Variants in NT5DC3 observed in about 807,000 individuals in gnomAD.
NT5DC3 encodes the protein 5'-nucleotidase domain containing 3.
NT5DC3 carries 42 observed loss-of-function variants against 67.8 expected under a neutral mutation model. The ratio of observed to expected loss-of-function variants is 0.62; its 90% confidence interval spans 0.48 to 0.80. NT5DC3 has a LOEUF of 0.80. Among genes scored for constraint, NT5DC3 ranks in the 30% least tolerant of loss-of-function variants. NT5DC3 has a pLI of 0.00. For missense variants in NT5DC3, 570 were observed against 696.4 expected (o/e 0.82, Z 2.04); for synonymous variants, 237 against 255.6 (o/e 0.93, Z 0.69).
intron 2 of NT5DC3, among the ~76,000 whole-genome samples, chr12:103,807,688 T>C (rs376404940): frequency 6.6e-6 from 1 of 152,242 alleles, no homozygotes; most frequent in Admixed American, 6.5e-5. Context: ...TTTGGCTCTA[T>C]GTCCCCAGCC....
chr12:103,831,526 C>G (rs1049764506), intron 1 of NT5DC3, among the ~76,000 whole-genome samples: 1 of 151,820 alleles, frequency 6.6e-6, no homozygotes, highest in African/African-American at 2.4e-5. Context: ...CCAAAACCTG[C>G]CCCCCCACAC....
At chr12:103,759,585 A>G in the NT5DC3 span, among the ~76,000 whole-genome samples, 2 of 152,204 alleles carry the variant, frequency 1.3e-5, no homozygotes, top group Non-Finnish European at 2.9e-5. Context: ...CTCCAAAGTC[A>G]AATGACCCCA....
chr12:103,818,658 G>A (rs1304134817), intron 1 of NT5DC3, among the ~76,000 whole-genome samples: 1 of 152,162 alleles, frequency 6.6e-6, no homozygotes, highest in African/African-American at 2.4e-5. Flanking sequence ...TTACCAGCGT[G>A]AGCCACTGCA....
chr12:103,758,985 TA>T, the NT5DC3 span: 1 of 1,361,214 alleles, frequency 7.3e-7, no homozygotes, highest in Non-Finnish European at 1.0e-6. Context: ...ACCAGAAGCC[TA>T]AGAAAACCTT....
intron 1 of NT5DC3, among the ~76,000 whole-genome samples, chr12:103,821,417 A>G (rs1274775597): frequency 3.3e-5 from 5 of 152,216 alleles, no homozygotes; most frequent in Non-Finnish European, 1.5e-5. Context: ...CATGTAACCC[A>G]GGCCTGGCCT....
the NT5DC3 span, among the ~76,000 whole-genome samples, chr12:103,764,757 ATAT>A: frequency 2.9e-3 from 439 of 152,336 alleles, 3 homozygotes; most frequent in African/African-American, 1.0e-2. Flanking sequence ...ATTGCAAATC[ATAT>A]TTTTTTAATC....
intron 1 of NT5DC3, among the ~76,000 whole-genome samples, chr12:103,815,474 T>C (rs1887211863): frequency 6.6e-6 from 1 of 152,144 alleles, no homozygotes; most frequent in South Asian, 2.1e-4. Flanking sequence ...CAGACTGGAG[T>C]GCAGTGGCAC....
At chr12:103,749,101 C>T in the NT5DC3 span, 7 of 1,613,734 alleles carry the variant, frequency 4.3e-6, no homozygotes, top group Non-Finnish European at 2.5e-6. Flanking sequence ...GACCCCTGTG[C>T]AGACGGCCTT....
chr12:103,793,696 G>A (rs1262413266), intron 7 of NT5DC3, among the ~76,000 whole-genome samples, 184 bp from the exon 8 acceptor site: 1 of 152,186 alleles, frequency 6.6e-6, no homozygotes, highest in Non-Finnish European at 1.5e-5. Flanking sequence ...CAAAGACCCT[G>A]CCTCCTCGGT....
intron 1 of NT5DC3, among the ~76,000 whole-genome samples, chr12:103,823,525 T>G (rs55736751): frequency 0.1 from 15,414 of 152,220 alleles, 1,114 homozygotes; most frequent in East Asian, 0.29. Flanking sequence ...GTTTTCTGGG[T>G]GTTTTTTAAT....
At chr12:103,788,177 A>T (rs941411609) in intron 10 of NT5DC3, among the ~76,000 whole-genome samples, 1 of 152,232 alleles carries the variant, frequency 6.6e-6, no homozygotes, top group Non-Finnish European at 1.5e-5. Context: ...TGTGATGGTT[A>T]TGCCTGTAAT....
At chr12:103,788,963 G>T in intron 9 of NT5DC3, 44 bp from the exon 10 acceptor site, 1 of 1,248,868 alleles carries the variant, frequency 8.0e-7, no homozygotes, top group Non-Finnish European at 1.2e-6. Flanking sequence ...AGTAGTACAG[G>T]CTGTCTGCTC....
At chr12:103,759,154 G>C in the NT5DC3 span, 2 of 1,614,072 alleles carry the variant, frequency 1.2e-6, no homozygotes, top group Non-Finnish European at 1.7e-6. Context: ...GCGGGACATC[G>C]AGCACCACCT....
intron 2 of NT5DC3, among the ~76,000 whole-genome samples, chr12:103,809,552 G>A (rs1593416630): frequency 6.6e-6 from 1 of 152,214 alleles, no homozygotes; most frequent in East Asian, 1.9e-4. Flanking sequence ...ACATGGCTGG[G>A]GAGACCTCAC....
chr12:103,840,264 T>G (rs1009681533), intron 1 of NT5DC3, among the ~76,000 whole-genome samples: 3 of 152,154 alleles, frequency 2.0e-5, no homozygotes, highest in Non-Finnish European at 4.4e-5. Context: ...TCATTTTATG[T>G]GCACCTGGCC....
At chr12:103,750,400 G>A in the NT5DC3 span, among the ~76,000 whole-genome samples, 6 of 152,306 alleles carry the variant, frequency 3.9e-5, no homozygotes, top group African/African-American at 1.4e-4. Context: ...AAAGGATGAG[G>A]TTTCATCATA....
chr12:103,795,831 TTG>T (rs1337746324), intron 6 of NT5DC3, among the ~76,000 whole-genome samples: 1 of 152,198 alleles, frequency 6.6e-6, no homozygotes, highest in Non-Finnish European at 1.5e-5. Context: ...TACAAATGAT[TTG>T]TACAGTAAGT....
the NT5DC3 span, chr12:103,755,742 T>A: frequency 1.2e-6 from 2 of 1,612,514 alleles, no homozygotes; most frequent in Non-Finnish European, 1.7e-6. Flanking sequence ...CTGCTTGGTT[T>A]GCCTCAGGCA....
At chr12:103,786,042 T>C (rs1281829444) in intron 11 of NT5DC3, among the ~76,000 whole-genome samples, 1 of 152,146 alleles carries the variant, frequency 6.6e-6, no homozygotes, top group Non-Finnish European at 1.5e-5. Context: ...ATACTAAATG[T>C]GCATTTTCTT....
Sources: allele counts gnomAD v4.1 joint callset (sites outside exome capture counted in the v4.1 genomes callset), GRCh38; gene constraint gnomAD v4.1.1; transcripts MANE v1.5; gene names NCBI Gene and HGNC (gene_info 2026-07-23, HGNC 2026-07-21).